CREBBP: variants seen among roughly 807,000 people sequenced by gnomAD.
CREBBP encodes CREB-binding protein.
Under a neutral mutation model 265.0 loss-of-function variants are expected in CREBBP, and 19 were observed. The observed-to-expected ratio is 0.07, with a 90% confidence interval of 0.05 to 0.11. CREBBP has a LOEUF of 0.11. CREBBP is among the 10% of genes least tolerant of loss of function. The pLI is 1.00. For missense variants in CREBBP, 2,525 were observed against 3,219.0 expected (o/e 0.78, Z 5.22); for synonymous variants, 1,457 against 1,223.7 (o/e 1.19, Z -3.98).
intron 2 of CREBBP, among the ~76,000 whole-genome samples, chr16:3,836,956 T>TA (rs1278054780): frequency 1.3e-5 from 2 of 152,240 alleles, no homozygotes; most frequent in East Asian, 3.8e-4. Context: ...ACCAGCTGTA[T>TA]AAAAGCATGG....
chr16:3,753,785 C>T (rs986079860), intron 19 of CREBBP, among the ~76,000 whole-genome samples: 2 of 152,118 alleles, frequency 1.3e-5, no homozygotes, highest in Non-Finnish European at 2.9e-5. Context: ...AGTAAAACTC[C>T]TAATTGAGTG....
At position 3,770,651 on chromosome 16, in the gene CREBBP, T is replaced by G; in HGVS notation, c.2799A>C (p.Pro933=). ...QAQVTPQPQT[P]VQPPSVATPQ... ...GGGTAGCCACAGACGGGGGCTGAAC[T>G]GGGGTTTGAGGCTGCGGGGTCACCT... The change falls in exon 14 of 31, where the codon CCA becomes CCC. Residue 933 remains proline (P), a synonymous_variant. Coordinates refer to ENST00000262367, the MANE Select transcript of CREBBP (RefSeq NM_004380.3). 6.2e-7 allele frequency: 1 copy of G among 1,613,912 alleles called. No individual in the cohort carries two copies. Among genetic ancestry groups the G allele is most frequent in the Non-Finnish European group, 8.5e-7 (1 of 1,179,970 alleles).
chr16:3,799,220 G>C (rs1367713893), intron 3 of CREBBP, among the ~76,000 whole-genome samples: 4 of 152,166 alleles, frequency 2.6e-5, no homozygotes, highest in African/African-American at 9.7e-5. Flanking sequence ...CTTTGGAGTG[G>C]TGAAAATGTT....
intron 24 of CREBBP, among the ~76,000 whole-genome samples, chr16:3,740,129 T>C (rs1275266916): frequency 6.6e-6 from 1 of 152,196 alleles, no homozygotes; most frequent in Admixed American, 6.5e-5. Context: ...AGCAAGAGAT[T>C]AACAAGAATA....
intron 21 of CREBBP, 29 bp downstream of exon 21, chr16:3,749,598 A>C (rs752299318): frequency 5.2e-6 from 8 of 1,539,072 alleles, no homozygotes; most frequent in Non-Finnish European, 6.3e-6. Flanking sequence ...CCAAAACTGA[A>C]AGTAAAAAAG....
intron 21 of CREBBP, among the ~76,000 whole-genome samples, chr16:3,748,147 C>T (rs546734135): frequency 2.0e-5 from 3 of 151,172 alleles, no homozygotes; most frequent in East Asian, 2.0e-4. Flanking sequence ...GGCGTGGTGG[C>T]GGGCACCTGT....
chr16:3,819,166 C>G (rs1243444867), intron 2 of CREBBP, among the ~76,000 whole-genome samples: 1 of 152,254 alleles, frequency 6.6e-6, no homozygotes, highest in Non-Finnish European at 1.5e-5. Context: ...GCCACAAATA[C>G]AATTTCATCC....
chr16:3,730,119 T>C (rs1339453465), intron 30 of CREBBP, among the ~76,000 whole-genome samples: 1 of 152,118 alleles, frequency 6.6e-6, no homozygotes, highest in Non-Finnish European at 1.5e-5. Flanking sequence ...GACGGGGGCA[T>C]GGACTGCCTA....
rs577194595 is a variant in CREBBP at position 3,822,228 on chromosome 16, C to T, written c.799-11449G>A. Among the ~76,000 whole-genome samples, 270 of 93,776 alleles carry T rather than the reference C, an allele frequency of 2.9e-3. 4 individuals are homozygous for T. The highest frequency in any genetic ancestry group is 0.011 in the African/African-American group (258 of 24,256). The allele number at this position is 93,776 out of a possible 152,430, so 61.5% of individuals were successfully genotyped here. On this transcript the variant is annotated intron_variant, in intron 2 of 30. Coordinates refer to ENST00000262367, the MANE Select transcript of CREBBP (RefSeq NM_004380.3). Reference sequence around the variant, plus strand: ...CAAGGCAGAGAAGCACCTTTTTCCACGGATCTACACTCCACTCACTCATAA... The same window carrying T: ...CAAGGCAGAGAAGCACCTTTTTCCATGGATCTACACTCCACTCACTCATAA...
intron 1 of CREBBP, among the ~76,000 whole-genome samples, chr16:3,852,639 G>T (rs573160652): frequency 1.3e-5 from 2 of 152,214 alleles, no homozygotes; most frequent in African/African-American, 4.8e-5. Context: ...GTATATGAAA[G>T]GGGTAAATGT....
chr16:3,838,394 G>C (rs922896596), intron 2 of CREBBP, among the ~76,000 whole-genome samples: 1 of 152,126 alleles, frequency 6.6e-6, no homozygotes. Flanking sequence ...ACTTAATGAT[G>C]CATTTCACCC....
intron 1 of CREBBP, among the ~76,000 whole-genome samples, chr16:3,856,184 G>A (rs1247630935): frequency 6.6e-6 from 1 of 152,134 alleles, no homozygotes; most frequent in African/African-American, 2.4e-5. Context: ...TCTGTGCAAT[G>A]GCACAATCAC....
intron 16 of CREBBP, 122 bp downstream of exon 16, chr16:3,767,598 G>C (rs528494861): frequency 2.2e-6 from 3 of 1,341,386 alleles, no homozygotes; most frequent in Non-Finnish European, 3.1e-6. Flanking sequence ...GGGAATGGCA[G>C]GCAAGAAAGG....
At chr16:3,783,404 A>G (rs1307883811) in intron 5 of CREBBP, among the ~76,000 whole-genome samples, 1 of 152,212 alleles carries the variant, frequency 6.6e-6, no homozygotes, top group East Asian at 1.9e-4. Context: ...AGGAGCAGAG[A>G]TGATACCTGG....
chr16:3,731,061 G>C lies in CREBBP; in HGVS notation c.5172+131C>G. On this transcript the variant is annotated intron_variant, in intron 30 of 30. Coordinates refer to ENST00000262367, the MANE Select transcript of CREBBP (RefSeq NM_004380.3). This position sits in a 1 kb window ranked among gnomAD's most constrained non-coding sequence, Gnocchi z 7.7. The stretch of plus-strand genomic sequence containing the variant: ...GCAACGCCTTCTGCCTTGTGACGCT[G>C]TCCTAGTTCTGGAGGAGTCAGTGCA... 1 of 939,012 alleles carries C rather than the reference G, an allele frequency of 1.1e-6. No homozygotes were observed. The highest frequency in any genetic ancestry group is 1.8e-5 in the Admixed American group (1 of 54,130). The allele number at this position is 939,012 out of a possible 1,614,324, so 58.2% of individuals were successfully genotyped here.
chr16:3,799,748 A>G (rs1361192179), intron 3 of CREBBP, among the ~76,000 whole-genome samples: 1 of 152,200 alleles, frequency 6.6e-6, no homozygotes, highest in African/African-American at 2.4e-5. Flanking sequence ...GGCAGACCTC[A>G]AATAACCCCT....
intron 2 of CREBBP, among the ~76,000 whole-genome samples, chr16:3,832,465 G>A (rs931944355): frequency 6.6e-6 from 1 of 152,162 alleles, no homozygotes; most frequent in Non-Finnish European, 1.5e-5. Flanking sequence ...AGTGTCATTA[G>A]GTGATTCTGG....
At chr16:3,757,100 C>T (rs1414002326) in intron 19 of CREBBP, among the ~76,000 whole-genome samples, 188 bp downstream of exon 19, 1 of 152,186 alleles carries the variant, frequency 6.6e-6, no homozygotes, top group Non-Finnish European at 1.5e-5. Flanking sequence ...AACATAACTC[C>T]TGGGCTCAAG....
chr16:3,728,827 G>A lies in CREBBP; in HGVS notation c.6220C>T (p.Leu2074=), dbSNP rs752666144. 3 of 1,613,546 alleles carry A rather than the reference G, an allele frequency of 1.9e-6. No individual in the cohort carries two copies. The highest frequency in any genetic ancestry group is 4.5e-5 in the East Asian group (2 of 44,876). ...PSALQDLLRT[L]KSPSSPQQQQ... ...TGCTGAGGGGAGCTGGGCGACTTCA[G>A]GGTCCGCAGCAGGTCTTGCAGAGCG... is the stretch of plus-strand genomic sequence containing the variant. Residue 2074 remains leucine, a synonymous_variant, in exon 31 of 31, where the codon CTG becomes TTG. Transcript: ENST00000262367. The surrounding 1 kb of genome is among the most constrained non-coding windows in gnomAD (Gnocchi z 8.7).
Sources: gnomAD v4.1 joint callset for allele counts (sites outside exome capture counted in the v4.1 genomes callset) on GRCh38, gnomAD v4.1.1 for gene constraint, Gnocchi (gnomAD v3.1) non-coding constraint, MANE v1.5 for transcripts, NCBI Gene and HGNC (gene_info 2026-07-23, HGNC 2026-07-21) for gene names.